The following ZZZ3 variants were observed in gnomAD, a reference collection of about 807,000 sequenced individuals.
ZZZ3 encodes ZZ-type zinc finger-containing protein 3.
A neutral mutation model predicts 95.2 loss-of-function variants in ZZZ3; 22 were observed. That is an observed-to-expected ratio of 0.23 (90% CI 0.17 to 0.33). The LOEUF (loss-of-function observed/expected upper bound fraction) is 0.33. Ranked by LOEUF, ZZZ3 falls within the 10% of genes least tolerant of loss-of-function variation. The pLI, the probability that ZZZ3 is intolerant of heterozygous loss-of-function variation, is 1.00. For synonymous variants in ZZZ3, 335 were observed against 358.9 expected, an observed-to-expected ratio of 0.93 and a Z score of 0.75; for missense variants, 885 against 1,066.5, an observed-to-expected ratio of 0.83 and a Z score of 2.37.
intron 5 of ZZZ3, among the ~76,000 whole-genome samples, chr1:77,609,241 T>C (rs1665538297): frequency 6.6e-6 from 1 of 152,172 alleles, no homozygotes; most frequent in South Asian, 2.1e-4. Flanking sequence ...ATAGCTATAC[T>C]TTTATCAAAC....
intron 5 of ZZZ3, among the ~76,000 whole-genome samples, chr1:77,605,687 C>A (rs554189464): frequency 3.6e-4 from 55 of 152,288 alleles, no homozygotes; most frequent in African/African-American, 1.3e-3. Context: ...CATGAGGCCC[C>A]CATTCCAGGC....
At chr1:77,591,336 CCTT>C (rs1663673277) in intron 5 of ZZZ3, among the ~76,000 whole-genome samples, 1 of 152,094 alleles carries the variant, frequency 6.6e-6, no homozygotes, top group Non-Finnish European at 1.5e-5. Flanking sequence ...CTCCCTCTCT[CCTT>C]CTCCCTCTTC....
intron 1 of ZZZ3, among the ~76,000 whole-genome samples, chr1:77,654,197 A>G (rs1173895002): frequency 6.6e-6 from 1 of 151,658 alleles, no homozygotes; most frequent in African/African-American, 2.4e-5. Flanking sequence ...AAAAAAAAAA[A>G]AAAAAAAAAA....
At chr1:77,577,438 C>A (rs1390444429) in intron 11 of ZZZ3, among the ~76,000 whole-genome samples, 1 of 152,168 alleles carries the variant, frequency 6.6e-6, no homozygotes, top group African/African-American at 2.4e-5. Context: ...CAAATCTACA[C>A]AGGTTGTGCT....
chr1:77,577,952 T>C (rs1308871361), intron 11 of ZZZ3, among the ~76,000 whole-genome samples: 1 of 152,172 alleles, frequency 6.6e-6, no homozygotes, highest in Non-Finnish European at 1.5e-5. Flanking sequence ...GTGTCCTGTT[T>C]GGGAAAGAAA....
intron 5 of ZZZ3, among the ~76,000 whole-genome samples, chr1:77,585,821 C>G (rs1663030035): frequency 6.6e-6 from 1 of 152,194 alleles, no homozygotes; most frequent in South Asian, 2.1e-4. Context: ...TTGAAGTTCA[C>G]AGGCCGTCAT....
chr1:77,681,898 T>C (rs1214742180), intron 1 of ZZZ3, among the ~76,000 whole-genome samples: 4 of 66,366 alleles, frequency 6.0e-5, no homozygotes, highest in East Asian at 4.2e-4. Context: ...AGACTCCGTC[T>C]CAAAAAAAAA....
chr1:77,661,733 TTTC>T (rs2101016955), intron 1 of ZZZ3, among the ~76,000 whole-genome samples: 1 of 152,282 alleles, frequency 6.6e-6, no homozygotes, highest in African/African-American at 2.4e-5. Flanking sequence ...TCAAAATTGC[TTTC>T]TTTTTCCAAG....
intron 5 of ZZZ3, chr1:77,614,899 AATCT>A (rs1476050089): frequency 1.3e-5 from 2 of 152,232 alleles, no homozygotes; most frequent in Non-Finnish European, 2.9e-5. Flanking sequence ...GAATGTGCCC[AATCT>A]CATCTGATCT....
Position 77,568,470 on chromosome 1 carries a change from T to TAA in ZZZ3, c.2332-5_2332-4insTT. 25 of 425,582 alleles carry TAA rather than the reference T, an allele frequency of 5.9e-5. No individual in the cohort carries two copies. Among genetic ancestry groups the TAA allele is most frequent in the South Asian group, 3.6e-4 (5 of 13,852 alleles). The allele number at this position is 425,582 out of a possible 1,614,324, so 26.4% of individuals were successfully genotyped here. A position where few individuals can be genotyped will look rare whatever the true frequency, so the allele number is the denominator to read the frequency against. The stretch of plus-strand genomic sequence containing the variant: ...TGATAGGAATACTTTCGTCATCCTA[T>TAA]CAAAAAAAAAAAAAAAAAAAAATGT... On this transcript the variant is annotated splice_region_variant and splice_polypyrimidine_tract_variant and intron_variant, in intron 12 of 14. Coordinates refer to ENST00000370801, the MANE Select transcript of ZZZ3 (RefSeq NM_015534.6).
intron 5 of ZZZ3, among the ~76,000 whole-genome samples, chr1:77,595,938 T>C (rs975476982): frequency 1.3e-5 from 2 of 151,986 alleles, no homozygotes; most frequent in African/African-American, 4.8e-5. Context: ...ACTTGCTACG[T>C]AGAAAAGAGA....
intron 12 of ZZZ3, among the ~76,000 whole-genome samples, chr1:77,572,921 C>T (rs1309878744): frequency 6.6e-6 from 1 of 152,004 alleles, no homozygotes; most frequent in African/African-American, 2.4e-5. Flanking sequence ...ACTAGGATTA[C>T]AGCTGTGAGC....
At chr1:77,584,372 T>C in intron 6 of ZZZ3, 145 bp downstream of exon 6, 1 of 617,416 alleles carries the variant, frequency 1.6e-6, no homozygotes, top group Non-Finnish European at 2.4e-6. Context: ...GAAGTTGGTA[T>C]CTTGCCTTAA....
Position 77,584,576 on chromosome 1 carries a change from T to C in ZZZ3, c.1585A>G (p.Arg529Gly). 1 of 1,613,466 alleles carries C rather than the reference T, an allele frequency of 6.2e-7. No individual in the cohort carries two copies. ...QAVQDLESLGRHQREALKNPI... is the reference protein window; with the variant it reads ...QAVQDLESLGGHQREALKNPI... ...TTTTTCAGTGCTTCTCTCTGGTGCCTGCCTAAACTTTCAAGGTCTTGGACT... is the reference window on the plus strand; with the variant it reads ...TTTTTCAGTGCTTCTCTCTGGTGCCCGCCTAAACTTTCAAGGTCTTGGACT... Residue 529 changes from arginine (R) to glycine (G), a missense_variant, in exon 6 of 15, where the codon AGG becomes GGG. By Grantham distance (125) the Arg-to-Gly change is moderately radical. Transcript: ENST00000370801.
chr1:77,584,383 G>C (rs1257751398), intron 6 of ZZZ3, 134 bp downstream of exon 6: 2 of 760,146 alleles, frequency 2.6e-6, no homozygotes, highest in Non-Finnish European at 3.8e-6. Context: ...CTTGCCTTAA[G>C]TAGTACGGCT....
intron 1 of ZZZ3, among the ~76,000 whole-genome samples, chr1:77,674,847 G>A (rs189835414): frequency 6.6e-6 from 1 of 151,618 alleles, no homozygotes; most frequent in Non-Finnish European, 1.5e-5. Context: ...AGCTACTCAG[G>A]AGGCTAAGTC....
At chr1:77,574,162 A>G (rs1661696009) in intron 12 of ZZZ3, among the ~76,000 whole-genome samples, 1 of 148,212 alleles carries the variant, frequency 6.7e-6, no homozygotes, top group African/African-American at 2.4e-5. Flanking sequence ...AGATTTATAT[A>G]TAGATATATA....
At chr1:77,584,358 G>A (rs1243759994) in intron 6 of ZZZ3, among the ~76,000 whole-genome samples, 159 bp downstream of exon 6, 2 of 152,126 alleles carry the variant, frequency 1.3e-5, no homozygotes, top group Non-Finnish European at 2.9e-5. Flanking sequence ...TGGTGGAGGT[G>A]GAAGAAGTTG....
intron 9 of ZZZ3, 63 bp downstream of exon 9, chr1:77,580,935 T>C: frequency 7.1e-7 from 1 of 1,413,582 alleles, no homozygotes; most frequent in Non-Finnish European, 1.0e-6. Flanking sequence ...CTCATAATAC[T>C]GACTCTGATG....
Sources: allele counts gnomAD v4.1 joint callset (sites outside exome capture counted in the v4.1 genomes callset), GRCh38; gene constraint gnomAD v4.1.1; transcripts MANE v1.5; gene names NCBI Gene and HGNC (gene_info 2026-07-23, HGNC 2026-07-21).